TUSC3: variants seen among roughly 807,000 people sequenced by gnomAD.
The protein encoded by TUSC3 is dolichyl-diphosphooligosaccharide--protein glycosyltransferase subunit TUSC3.
In TUSC3, 45 loss-of-function variants were observed where a neutral mutation model predicts 44.8. That is an observed-to-expected ratio of 1.00 (90% CI 0.79 to 1.29). TUSC3 has a LOEUF of 1.29. Among genes scored for constraint, TUSC3 ranks in the 50% most tolerant of loss-of-function variants. The pLI is 0.00. For missense variants in TUSC3, 519 were observed against 437.9 expected (o/e 1.19, Z -1.65); for synonymous variants, 212 against 152.9 (o/e 1.39, Z -2.85).
intron 2 of TUSC3, among the ~76,000 whole-genome samples, chr8:15,629,310 T>C (rs1805653575): frequency 6.6e-6 from 1 of 152,104 alleles, no homozygotes; most frequent in Non-Finnish European, 1.5e-5. Context: ...TAAGTAATTG[T>C]GGTAGAGAAG....
intron 2 of TUSC3, among the ~76,000 whole-genome samples, chr8:15,500,163 C>G (rs1800940953): frequency 6.6e-6 from 1 of 152,158 alleles, no homozygotes; most frequent in Non-Finnish European, 1.5e-5. Flanking sequence ...CAGCTAGAGT[C>G]TTTCTCTACG....
At chr8:15,755,649 G>C (rs1585307952) in intron 9 of TUSC3, among the ~76,000 whole-genome samples, 1 of 151,732 alleles carries the variant, frequency 6.6e-6, no homozygotes, top group Admixed American at 6.6e-5. Context: ...AAGACATTGA[G>C]GGCTAAAAGG....
chr8:15,519,194 T>C (rs916506634), intron 2 of TUSC3, among the ~76,000 whole-genome samples: 1 of 152,196 alleles, frequency 6.6e-6, no homozygotes, highest in African/African-American at 2.4e-5. Flanking sequence ...ATAATGATCA[T>C]GTTTTATTCT....
the TUSC3 span, among the ~76,000 whole-genome samples, chr8:15,820,624 A>G: frequency 2.6e-5 from 4 of 152,066 alleles, no homozygotes; most frequent in Admixed American, 1.3e-4. Flanking sequence ...AGCCTCTGTA[A>G]TTATTTTACC....
the TUSC3 span, among the ~76,000 whole-genome samples, chr8:15,807,843 T>C: frequency 2.0e-5 from 3 of 152,112 alleles, no homozygotes; most frequent in South Asian, 2.1e-4. Context: ...ATGGCAACAA[T>C]AGACACTGGG....
intron 7 of TUSC3, chr8:15,733,452 C>T (rs934196026): frequency 2.8e-5 from 10 of 360,736 alleles, no homozygotes; most frequent in South Asian, 8.6e-5. Flanking sequence ...TCAGGAATAC[C>T]GAGCTGAAGG....
intron 1 of TUSC3, among the ~76,000 whole-genome samples, chr8:15,458,755 G>A (rs1309030535): frequency 1.3e-5 from 2 of 152,014 alleles, no homozygotes; most frequent in Non-Finnish European, 2.9e-5. Flanking sequence ...GAGTAACTGG[G>A]GACTAAAAAC....
intron 2 of TUSC3, among the ~76,000 whole-genome samples, chr8:15,497,043 T>G (rs1201428059): frequency 1.3e-5 from 2 of 152,024 alleles, no homozygotes; most frequent in African/African-American, 4.8e-5. Flanking sequence ...TGATGAGAAA[T>G]AAACATAGTA....
intron 7 of TUSC3, among the ~76,000 whole-genome samples, chr8:15,740,030 A>G (rs539148109): frequency 6.6e-6 from 1 of 152,338 alleles, no homozygotes; most frequent in East Asian, 1.9e-4. Context: ...TGCTGGAACA[A>G]AGACAATAAG....
intron 1 of TUSC3, among the ~76,000 whole-genome samples, chr8:15,460,770 A>G (rs543267712): frequency 9.2e-5 from 14 of 152,236 alleles, no homozygotes; most frequent in African/African-American, 3.1e-4. Context: ...TCCCAGCACC[A>G]TTTGTTGAAA....
chr8:15,851,501 G>A, the TUSC3 span, among the ~76,000 whole-genome samples: 2 of 152,162 alleles, frequency 1.3e-5, no homozygotes, highest in Non-Finnish European at 2.9e-5. Flanking sequence ...TGCAAGGTGT[G>A]AACTGTTATT....
At chr8:15,678,056 T>G (rs1195982187) in intron 6 of TUSC3, among the ~76,000 whole-genome samples, 1 of 152,196 alleles carries the variant, frequency 6.6e-6, no homozygotes, top group Non-Finnish European at 1.5e-5. Context: ...AAAACATGTT[T>G]ATCCAGTCAG....
chr8:15,763,814 A>G (rs553715238), intron 10 of TUSC3, among the ~76,000 whole-genome samples: 23 of 152,198 alleles, frequency 1.5e-4, no homozygotes, highest in African/African-American at 5.1e-4. Flanking sequence ...TTATACGGTT[A>G]GAGAAAAAAT....
chr8:15,553,895 G>A (rs1052740358), intron 1 of TUSC3, among the ~76,000 whole-genome samples: 1 of 151,724 alleles, frequency 6.6e-6, no homozygotes, highest in East Asian at 1.9e-4. Context: ...TAGTTGTTAC[G>A]GTTGTTCGTA....
chr8:15,453,952 G>T (rs1800224462), intron 1 of TUSC3, among the ~76,000 whole-genome samples: 1 of 152,160 alleles, frequency 6.6e-6, no homozygotes, highest in Non-Finnish European at 1.5e-5. Context: ...GTGGGCTCAA[G>T]CATGTACACT....
At chr8:15,761,157 G>A (rs914247003) in intron 10 of TUSC3, among the ~76,000 whole-genome samples, 3 of 152,112 alleles carry the variant, frequency 2.0e-5, no homozygotes, top group African/African-American at 7.2e-5. Context: ...TGTTTCTCTA[G>A]AAAAATCTTT....
chr8:15,702,179 C>T lies in TUSC3; in HGVS notation c.798+28343C>T, dbSNP rs141147491. 1.6e-3 allele frequency among the ~76,000 whole-genome samples: 248 copies of T among 152,236 alleles called. 1 individual carries two copies. Among genetic ancestry groups the T allele is most frequent in the African/African-American group, 5.8e-3 (241 of 41,556 alleles). ...TGTAGACTCTTTTTGTTTACTCTGG[C>T]ATTTACTCTTAAAAGACTTTTCATA... On this transcript the variant is annotated intron_variant, in intron 6 of 10. Transcript: ENST00000503731.
chr8:15,629,960 G>C (rs1405479525), intron 2 of TUSC3, among the ~76,000 whole-genome samples: 1 of 151,942 alleles, frequency 6.6e-6, no homozygotes, highest in Non-Finnish European at 1.5e-5. Context: ...AAATAAAGTT[G>C]TTAATTAAGA....
chr8:15,759,143 C>T (rs1034143321), intron 10 of TUSC3, among the ~76,000 whole-genome samples: 2 of 152,112 alleles, frequency 1.3e-5, no homozygotes, highest in South Asian at 2.1e-4. Context: ...GTCAATGGGC[C>T]GGAATGAAAA....
Sources: gnomAD v4.1 joint callset for allele counts (sites outside exome capture counted in the v4.1 genomes callset) on GRCh38, gnomAD v4.1.1 for gene constraint, MANE v1.5 for transcripts, NCBI Gene and HGNC (gene_info 2026-07-23, HGNC 2026-07-21) for gene names.